Variants in EVI5L observed in about 807,000 individuals in gnomAD.
The protein encoded by EVI5L is ecotropic viral integration site 5 like, also known as EVI5-like protein.
EVI5L carries 30 observed loss-of-function variants against 106.1 expected under a neutral mutation model. That is an observed-to-expected ratio of 0.28 (90% confidence interval 0.21 to 0.38). The LOEUF (loss-of-function observed/expected upper bound fraction) is 0.38, where lower values mean the gene tolerates loss of function less well. Among genes scored for constraint, EVI5L ranks in the 10% least tolerant of loss-of-function variants. EVI5L has a pLI of 1.00. For missense variants in EVI5L, 809 were observed against 1,098.0 expected (o/e 0.74, Z 3.72); for synonymous variants, 489 against 483.3 (o/e 1.01, Z -0.15).
rs375245842 is a variant in EVI5L, at chr19:7,861,107, G to A, written c.1503+418G>A. Reference sequence around the variant, plus strand: ...CCCAACTGCTCTCTGACTTGGCATCGACTCCACTCTCCCACGGAGCTCCCA... The same window carrying A: ...CCCAACTGCTCTCTGACTTGGCATCAACTCCACTCTCCCACGGAGCTCCCA... On this transcript the variant is annotated intron_variant, in intron 14 of 19. Transcript: ENST00000538904. Among the ~76,000 whole-genome samples, 8 of 152,110 alleles carry A rather than the reference G, an allele frequency of 5.3e-5. No homozygotes were observed. The East Asian group carries it at 5.8e-4, about 11-fold the overall frequency.
rs575727853 is a variant in EVI5L, at chr19:7,849,206, C to T, written c.553-50C>T. ...AGGAAGGAGAAGTTCCCCAGTTCAC[C>T]GGCTGTGCTGGACGGCGGGACCCTG... On this transcript the variant is annotated intron_variant, in intron 4 of 19. Coordinates refer to ENST00000538904, the MANE Select transcript of EVI5L (RefSeq NM_001159944.3). 2.7e-5 allele frequency: 44 copies of T among 1,613,166 alleles called. No homozygotes were observed. In the African/African-American group the frequency reaches 3.2e-4, roughly 12 times the overall value.
intron 10 of EVI5L, among the ~76,000 whole-genome samples, chr19:7,855,493 G>A (rs1288411022): frequency 6.6e-6 from 1 of 152,206 alleles, no homozygotes; most frequent in African/African-American, 2.4e-5. Flanking sequence ...GAAAACCACT[G>A]GGGACAGGTT....
chr19:7,858,083 T>C lies in EVI5L; in HGVS notation c.1234-108T>C. 1 of 1,357,878 alleles carries C rather than the reference T, an allele frequency of 7.4e-7. No homozygotes were observed. 84.1% of individuals were successfully genotyped at this position (1,357,878 alleles called of 1,614,324 possible). A position where few individuals can be genotyped will look rare whatever the true frequency, so the allele number is the denominator to read the frequency against. On this transcript the variant is annotated intron_variant, in intron 12 of 19. Coordinates refer to ENST00000538904, the MANE Select transcript of EVI5L (RefSeq NM_001159944.3). This position sits in a 1 kb window ranked among gnomAD's most constrained non-coding sequence, Gnocchi z 5.7. Reference sequence around the variant, plus strand: ...TGAGTACGGGAGGCCCCCACCTCACTTCCCCCCACCTCCACTCTCTGGGCC... The same window carrying C: ...TGAGTACGGGAGGCCCCCACCTCACCTCCCCCCACCTCCACTCTCTGGGCC...
Position 7,863,394 on chromosome 19 carries a change from C to T in EVI5L, c.2140-30C>T, listed in dbSNP as rs1287803254. 31 of 1,530,556 alleles carry T rather than the reference C, an allele frequency of 2.0e-5. No individual in the cohort carries two copies. The highest frequency in any genetic ancestry group is 2.5e-5 in the Non-Finnish European group (29 of 1,139,112). 94.8% of individuals were successfully genotyped at this position (1,530,556 alleles called of 1,614,324 possible). On this transcript the variant is annotated intron_variant, in intron 19 of 19. Coordinates refer to ENST00000538904, the MANE Select transcript of EVI5L (RefSeq NM_001159944.3). The surrounding 1 kb of genome is among the most constrained non-coding windows in gnomAD (Gnocchi z 7.7). ...GGGAGGGCGGGGCAGAAGGCCGGTC[C>T]ACGCCTGCAGCGCCGGTCCCCCGCC...
chr19:7,862,011 C>A lies in EVI5L; in HGVS notation c.1637C>A (p.Thr546Asn). Residue 546 changes from threonine (T) to asparagine (N), a missense_variant, in exon 15 of 20, where the codon ACC becomes AAC. Transcript: ENST00000538904. ...CTGCAGCTGCAGGAGCTCTCGGACA[C>A]CTGGCAGGTGAGGGCCGGGTGGGCG... is the stretch of plus-strand genomic sequence containing the variant. ...LKLQLQELSD[T>N]WQAHLARGGR... 1 of 1,546,392 alleles carries A rather than the reference C, an allele frequency of 6.5e-7. No homozygotes were observed. Among genetic ancestry groups the A allele is most frequent in the Non-Finnish European group, 8.7e-7 (1 of 1,145,220 alleles).
intron 1 of EVI5L, among the ~76,000 whole-genome samples, chr19:7,836,922 C>T (rs551906697): frequency 3.1e-3 from 468 of 151,728 alleles, no homozygotes; most frequent in Middle Eastern, 6.8e-3. Flanking sequence ...CATGAGCCAC[C>T]GCACCCAGCC....
chr19:7,850,637 G>A lies in EVI5L; in HGVS notation c.753+515G>A, dbSNP rs1291413575. On this transcript the variant is annotated intron_variant, in intron 6 of 19. Coordinates refer to ENST00000538904, the MANE Select transcript of EVI5L (RefSeq NM_001159944.3). The surrounding 1 kb of genome is among the most constrained non-coding windows in gnomAD (Gnocchi z 5.4). The stretch of plus-strand genomic sequence containing the variant: ...CAGACACACACACACACACCGGCCC[G>A]CCTCAGCTGCCATGGCAGGTGGGGC... Among the ~76,000 whole-genome samples, 5 of 152,130 alleles carry A rather than the reference G, an allele frequency of 3.3e-5. No individual in the cohort carries two copies. The highest frequency in any genetic ancestry group is 2.1e-4 in the South Asian group (1 of 4,832).
chr19:7,852,381 C>T (rs578186412), intron 8 of EVI5L, among the ~76,000 whole-genome samples: 68 of 152,314 alleles, frequency 4.5e-4, no homozygotes, highest in African/African-American at 1.4e-3. Context: ...CCAGCTGGGC[C>T]GGGTGCAGGA....
intron 1 of EVI5L, among the ~76,000 whole-genome samples, chr19:7,841,362 C>T (rs996385017): frequency 1.3e-5 from 2 of 152,086 alleles, no homozygotes; most frequent in Non-Finnish European, 2.9e-5. Context: ...AATGAGAAGT[C>T]CCGGCCAGAG....
chr19:7,842,939 G>A (rs537930936), intron 1 of EVI5L, among the ~76,000 whole-genome samples: 6 of 149,846 alleles, frequency 4.0e-5, no homozygotes, highest in Non-Finnish European at 5.9e-5. Context: ...GGGTGTGCGT[G>A]TATCCGAATG....
intron 1 of EVI5L, among the ~76,000 whole-genome samples, chr19:7,843,239 T>G (rs1978746673): frequency 6.7e-6 from 1 of 149,178 alleles, no homozygotes; most frequent in African/African-American, 2.5e-5. Context: ...GTGTCGAGTG[T>G]GTGCATGTGT....
At position 7,848,913 on chromosome 19, in the gene EVI5L, G is replaced by T. The variant is rs773022713; in HGVS notation, c.328-8G>T. 6.2e-7 allele frequency: 1 copy of T among 1,602,590 alleles called. No individual in the cohort carries two copies. The highest frequency in any genetic ancestry group is 1.1e-5 in the South Asian group (1 of 90,858). ...AGTCCAGCCCCCGCTTCCCGCTCCC[G>T]TGGCCAGGAGCTGATCCGCAAGGGC... On this transcript the variant is annotated splice_polypyrimidine_tract_variant and splice_region_variant and intron_variant, in intron 3 of 19. Coordinates refer to ENST00000538904, the MANE Select transcript of EVI5L (RefSeq NM_001159944.3). The surrounding 1 kb of genome is among the most constrained non-coding windows in gnomAD (Gnocchi z 4.8).
rs1026405576 is a variant in EVI5L, at chr19:7,858,110, C to T, written c.1234-81C>T. ...CCCCCCACCTCCACTCTCTGGGCCT[C>T]CCCCTGTGGCGGGAGGCAGGGCCTT... On this transcript the variant is annotated intron_variant, in intron 12 of 19. Coordinates refer to ENST00000538904, the MANE Select transcript of EVI5L (RefSeq NM_001159944.3). The surrounding 1 kb of genome is among the most constrained non-coding windows in gnomAD (Gnocchi z 5.7). 19 of 1,503,462 alleles carry T rather than the reference C, an allele frequency of 1.3e-5. No homozygotes were observed. In the East Asian group the frequency reaches 2.7e-4, roughly 22 times the overall value. 93.1% of individuals were successfully genotyped at this position (1,503,462 alleles called of 1,614,324 possible). A position where few individuals can be genotyped will look rare whatever the true frequency, so the allele number is the denominator to read the frequency against.
intron 2 of EVI5L, among the ~76,000 whole-genome samples, chr19:7,847,110 G>A (rs932897673): frequency 6.6e-6 from 1 of 152,148 alleles, no homozygotes; most frequent in Non-Finnish European, 1.5e-5. Context: ...TGGCCAACAT[G>A]GTGAAATCCT....
chr19:7,843,327 TGA>T (rs1297077179), intron 1 of EVI5L, among the ~76,000 whole-genome samples: 1 of 91,916 alleles, frequency 1.1e-5, no homozygotes, highest in Non-Finnish European at 2.2e-5. Context: ...ATGGGTGTGT[TGA>T]GTGTGCATGT....
At chr19:7,837,769 T>A (rs1042016340) in intron 1 of EVI5L, among the ~76,000 whole-genome samples, 2 of 152,136 alleles carry the variant, frequency 1.3e-5, no homozygotes, top group African/African-American at 4.8e-5. Context: ...TGTGGTGCAG[T>A]CTCGGCTCAC....
At chr19:7,849,459 T>C in intron 5 of EVI5L, 129 bp downstream of exon 5, 2 of 1,004,132 alleles carry the variant, frequency 2.0e-6, no homozygotes, top group Non-Finnish European at 2.9e-6. Flanking sequence ...TCCTTCTCCA[T>C]CCACACCCGT....
intron 8 of EVI5L, 126 bp from the exon 9 acceptor site, chr19:7,852,960 G>A (rs1163008312): frequency 1.1e-5 from 9 of 830,080 alleles, no homozygotes; most frequent in African/African-American, 5.1e-5. Context: ...AGGACACGGC[G>A]TTGAGGACAT....
At position 7,835,864 on chromosome 19, in the gene EVI5L, G is replaced by A. The variant is rs573648936; in HGVS notation, c.-48+5483G>A. ...AGCAGTCTGTCAGGCTAGACAAATC[G>A]GGGTCACATGGCATCTTGGGCTTTA... On this transcript the variant is annotated intron_variant, in intron 1 of 19. Coordinates refer to ENST00000538904, the MANE Select transcript of EVI5L (RefSeq NM_001159944.3). This position sits in a 1 kb window ranked among gnomAD's most constrained non-coding sequence, Gnocchi z 4.1. Among the ~76,000 whole-genome samples the A allele has an allele frequency of 1.3e-5, 2 of 152,306 alleles. No homozygotes were observed. The highest frequency in any genetic ancestry group is 2.9e-5 in the Non-Finnish European group (2 of 68,020).
Sources: gnomAD v4.1 joint callset for allele counts (sites outside exome capture counted in the v4.1 genomes callset) on GRCh38, gnomAD v4.1.1 for gene constraint, Gnocchi (gnomAD v3.1) non-coding constraint, MANE v1.5 for transcripts, NCBI Gene and HGNC (gene_info 2026-07-23, HGNC 2026-07-21) for gene names.